TRIP4: variants seen among roughly 807,000 people sequenced by gnomAD.
The protein encoded by TRIP4 is thyroid hormone receptor interactor 4, also known as activating signal cointegrator 1.
TRIP4 carries 54 observed loss-of-function variants against 81.8 expected under a neutral mutation model. That is an observed-to-expected ratio of 0.66 (90% confidence interval 0.53 to 0.83). TRIP4 has a LOEUF of 0.83. Ranked by LOEUF, TRIP4 falls within the 40% of genes least tolerant of loss-of-function variation. The pLI is 0.00. For missense variants in TRIP4, 662 were observed against 683.6 expected, an observed-to-expected ratio of 0.97 and a Z score of 0.35; for synonymous variants, 270 against 242.8, an observed-to-expected ratio of 1.11 and a Z score of -1.04.
chr15:64,394,026 G>A lies in TRIP4; in HGVS notation c.182G>A (p.Gly61Asp). 1 of 1,612,246 alleles carries A rather than the reference G, an allele frequency of 6.2e-7. No homozygotes were observed. The highest frequency in any genetic ancestry group is 8.5e-7 in the Non-Finnish European group (1 of 1,179,148). Reference protein sequence around the residue: ...DLLQGNEGKKGQFIEELITKW... With the variant: ...DLLQGNEGKKDQFIEELITKW... The stretch of plus-strand genomic sequence containing the variant: ...CTCCAGGGAAATGAAGGCAAAAAAG[G>A]TCAATTCATAGAAGAACTTATAACC... The change falls in exon 2 of 13, where the codon GGT becomes GAT. Residue 61 changes from glycine (G) to aspartate (D), a missense_variant. Gly to Asp is a moderately conservative substitution (Grantham distance 94). Transcript: ENST00000261884.
chr15:64,424,191 A>C, intron 10 of TRIP4, 36 bp downstream of exon 10: 1 of 1,612,466 alleles, frequency 6.2e-7, no homozygotes, highest in Non-Finnish European at 8.5e-7. Context: ...ATTTTACTTT[A>C]TGGAGAGAAG....
chr15:64,409,533 T>G, intron 6 of TRIP4, 80 bp from the exon 7 acceptor site: 1 of 1,355,378 alleles, frequency 7.4e-7, no homozygotes. Flanking sequence ...AGATATTAAG[T>G]TACCTTGAAA....
intron 11 of TRIP4, among the ~76,000 whole-genome samples, chr15:64,429,982 G>A (rs1596354545): frequency 6.6e-6 from 1 of 151,704 alleles, no homozygotes; most frequent in South Asian, 2.1e-4. Flanking sequence ...CACATTCTTG[G>A]CCTTTCTTTG....
At chr15:64,446,546 A>C (rs1892636518) in intron 12 of TRIP4, among the ~76,000 whole-genome samples, 1 of 150,300 alleles carries the variant, frequency 6.7e-6, no homozygotes, top group South Asian at 2.1e-4. Flanking sequence ...CTGGGACTAC[A>C]GGCATCTGCC....
intron 5 of TRIP4, among the ~76,000 whole-genome samples, chr15:64,401,328 G>T (rs1891502704): frequency 6.6e-6 from 1 of 151,996 alleles, no homozygotes; most frequent in African/African-American, 2.4e-5. Flanking sequence ...GTAGAGATGG[G>T]GTTTCACCAT....
intron 3 of TRIP4, 72 bp from the exon 4 acceptor site, chr15:64,397,534 G>A: frequency 5.4e-6 from 8 of 1,482,930 alleles, no homozygotes; most frequent in African/African-American, 1.4e-5. Flanking sequence ...GAACAGAACG[G>A]AGCATTTTCT....
intron 8 of TRIP4, among the ~76,000 whole-genome samples, chr15:64,418,195 T>C (rs1412901325): frequency 6.6e-6 from 1 of 152,166 alleles, no homozygotes; most frequent in Non-Finnish European, 1.5e-5. Flanking sequence ...CATTGCAACC[T>C]CCACCTCCTG....
At chr15:64,420,789 C>T (rs1440266501) in intron 9 of TRIP4, among the ~76,000 whole-genome samples, 1 of 151,966 alleles carries the variant, frequency 6.6e-6, no homozygotes, top group Non-Finnish European at 1.5e-5. Flanking sequence ...GCCTCGGCCT[C>T]TCAAAGTGCT....
At chr15:64,396,466 A>G (rs1302804425) in intron 3 of TRIP4, among the ~76,000 whole-genome samples, 1 of 151,854 alleles carries the variant, frequency 6.6e-6, no homozygotes, top group East Asian at 1.9e-4. Context: ...TTTAGTAGAG[A>G]TGGGGTTTCA....
chr15:64,445,661 C>G (rs1216738636), intron 12 of TRIP4, among the ~76,000 whole-genome samples: 1 of 70,138 alleles, frequency 1.4e-5, no homozygotes, highest in Non-Finnish European at 2.5e-5. Context: ...GAGCGACACT[C>G]AGTCTCAAAA....
At chr15:64,451,862 A>C (rs1892771637) in intron 12 of TRIP4, among the ~76,000 whole-genome samples, 1 of 151,018 alleles carries the variant, frequency 6.6e-6, no homozygotes, top group Non-Finnish European at 1.5e-5. Context: ...CATTTTGACC[A>C]GGCTGGTCTT....
chr15:64,417,209 G>T (rs1018632062), intron 8 of TRIP4, among the ~76,000 whole-genome samples: 1 of 151,964 alleles, frequency 6.6e-6, no homozygotes, highest in African/African-American at 2.4e-5. Context: ...AAGGAGTTTC[G>T]CCTTGTTGCC....
chr15:64,443,293 C>T (rs1892559351), intron 11 of TRIP4, among the ~76,000 whole-genome samples: 1 of 152,076 alleles, frequency 6.6e-6, no homozygotes, highest in Non-Finnish European at 1.5e-5. Context: ...TAGGATTGAT[C>T]CAGTAGAGAG....
chr15:64,422,133 A>G (rs757635244), intron 9 of TRIP4, among the ~76,000 whole-genome samples: 12 of 152,190 alleles, frequency 7.9e-5, no homozygotes, highest in Non-Finnish European at 1.5e-4. Context: ...CTAAAGACAC[A>G]TTTCTCAGGA....
At chr15:64,398,350 G>A (rs983373424) in intron 4 of TRIP4, among the ~76,000 whole-genome samples, 3 of 150,428 alleles carry the variant, frequency 2.0e-5, no homozygotes, top group Non-Finnish European at 4.4e-5. Flanking sequence ...GGTTTTGGGA[G>A]GCTGAGGTGG....
rs543342191 is a variant in TRIP4 at position 64,407,738 on chromosome 15, T to C, written c.827+1279T>C. ...TAAACAGAAAGTGGAAAAGGGTCTCTCCCTATTGTTGCTGTTTTGCTGGTG... is the reference window on the plus strand; with the variant it reads ...TAAACAGAAAGTGGAAAAGGGTCTCCCCCTATTGTTGCTGTTTTGCTGGTG... On this transcript the variant is annotated intron_variant, in intron 6 of 12. Coordinates refer to ENST00000261884, the MANE Select transcript of TRIP4 (RefSeq NM_016213.5). Among the ~76,000 whole-genome samples, 48 of 152,212 alleles carry C rather than the reference T, an allele frequency of 3.2e-4. No individual in the cohort carries two copies. In the South Asian group the frequency reaches 9.7e-3, roughly 31 times the overall value.
At chr15:64,396,601 A>G (rs1900302769) in intron 3 of TRIP4, among the ~76,000 whole-genome samples, 2 of 152,112 alleles carry the variant, frequency 1.3e-5, no homozygotes, top group Non-Finnish European at 1.5e-5. Flanking sequence ...CTTTCAATTT[A>G]TGAGATTCAT....
At chr15:64,405,239 C>T (rs1000739708) in intron 5 of TRIP4, among the ~76,000 whole-genome samples, 26 of 151,116 alleles carry the variant, frequency 1.7e-4, no homozygotes, top group African/African-American at 5.6e-4. Flanking sequence ...ACTGTAAGCT[C>T]AGCGTCCCAG....
At chr15:64,415,953 G>A (rs1331707646) in intron 8 of TRIP4, among the ~76,000 whole-genome samples, 1 of 152,206 alleles carries the variant, frequency 6.6e-6, no homozygotes. Context: ...GAGTAAGTAA[G>A]ATTAGAAGCT....
Sources: allele counts gnomAD v4.1 joint callset (sites outside exome capture counted in the v4.1 genomes callset), GRCh38; gene constraint gnomAD v4.1.1; transcripts MANE v1.5; gene names NCBI Gene and HGNC (gene_info 2026-07-23, HGNC 2026-07-21).